MTNAP1: variants seen among roughly 807,000 people sequenced by gnomAD.
MTNAP1 encodes the protein mitochondrial nucleoid-associated protein 1.
At chr17:73,234,320 TG>T in the MTNAP1 span, among the ~76,000 whole-genome samples, 2 of 109,206 alleles carry the variant, frequency 1.8e-5, no homozygotes, top group East Asian at 6.2e-4. Flanking sequence ...ATGGTATAAA[TG>T]TTTTTTTTTT....
At chr17:73,238,450 A>T in the MTNAP1 span, among the ~76,000 whole-genome samples, 1 of 152,348 alleles carries the variant, frequency 6.6e-6, no homozygotes, top group South Asian at 2.1e-4. Context: ...AAATGATCTC[A>T]TATTCACTAA....
At chr17:73,242,165 TG>T in the MTNAP1 span, 1 of 901,862 alleles carries the variant, frequency 1.1e-6, no homozygotes, top group Non-Finnish European at 1.7e-6. Context: ...GGCTTAGCCG[TG>T]GATCCTTCGG....
At chr17:73,234,574 C>T in the MTNAP1 span, among the ~76,000 whole-genome samples, 1 of 151,656 alleles carries the variant, frequency 6.6e-6, no homozygotes, top group African/African-American at 2.4e-5. Context: ...GCCTGTAGTC[C>T]CAGCTCCTCG....
At chr17:73,245,845 C>A in the MTNAP1 span, 1 of 479,030 alleles carries the variant, frequency 2.1e-6, no homozygotes, top group Non-Finnish European at 2.7e-6. Flanking sequence ...GAACCGGTGG[C>A]TAATGTATCA....
chr17:73,248,706 G>C, the MTNAP1 span: 1 of 692,326 alleles, frequency 1.4e-6, no homozygotes, highest in Non-Finnish European at 2.5e-6. Flanking sequence ...GGACATGCCT[G>C]AATACCCCGG....
chr17:73,242,806 C>A, the MTNAP1 span: 3 of 946,744 alleles, frequency 3.2e-6, no homozygotes, highest in Non-Finnish European at 4.8e-6. Context: ...AGTTCCATCA[C>A]TCAGGCTAAC....
At chr17:73,242,777 G>A in the MTNAP1 span, 29 of 696,216 alleles carry the variant, frequency 4.2e-5, no homozygotes, top group Non-Finnish European at 6.1e-5. Flanking sequence ...AAATATGTGC[G>A]TGTAAATCTC....
the MTNAP1 span, among the ~76,000 whole-genome samples, chr17:73,234,018 G>T: frequency 2.6e-5 from 4 of 152,232 alleles, no homozygotes; most frequent in Non-Finnish European, 4.4e-5. Context: ...TGTCTATTTT[G>T]TAAGTGGTTT....
At chr17:73,235,833 A>G in the MTNAP1 span, 16 of 1,614,182 alleles carry the variant, frequency 9.9e-6, no homozygotes, top group African/African-American at 1.3e-5. Context: ...ATCCAATCCA[A>G]CCATCCTTCA....
At chr17:73,245,198 C>T in the MTNAP1 span, 2 of 1,613,402 alleles carry the variant, frequency 1.2e-6, no homozygotes, top group African/African-American at 1.3e-5. Flanking sequence ...TAGTGTTGAC[C>T]TGGACATCAC....
At chr17:73,247,939 T>C in the MTNAP1 span, 1 of 154,324 alleles carries the variant, frequency 6.5e-6, no homozygotes, top group African/African-American at 2.4e-5. Context: ...GCCACCTGGG[T>C]TGGGAAAATA....
chr17:73,236,455 C>G, the MTNAP1 span: 1 of 1,614,140 alleles, frequency 6.2e-7, no homozygotes, highest in East Asian at 2.2e-5. Flanking sequence ...AAAGCAGGAA[C>G]GGACTGTCAT....
chr17:73,246,245 A>C, the MTNAP1 span, among the ~76,000 whole-genome samples: 8 of 152,168 alleles, frequency 5.3e-5, no homozygotes, highest in Non-Finnish European at 7.3e-5. Context: ...TTTTAAAACT[A>C]CAGGAATGCT....
chr17:73,248,350 AAAAG>A, the MTNAP1 span: 2 of 764,376 alleles, frequency 2.6e-6, no homozygotes, highest in Admixed American at 2.4e-5. Context: ...CAAGGAAAGA[AAAAG>A]AACGTCTCTA....
the MTNAP1 span, among the ~76,000 whole-genome samples, chr17:73,241,540 G>T: frequency 6.6e-6 from 1 of 152,196 alleles, no homozygotes; most frequent in African/African-American, 2.4e-5. Context: ...CAATAATAGC[G>T]ATAGGGTGAT....
the MTNAP1 span, chr17:73,235,516 C>T: frequency 1.2e-6 from 2 of 1,613,654 alleles, no homozygotes; most frequent in Non-Finnish European, 1.7e-6. Context: ...GGAAGTGTGT[C>T]CTTACTGTAA....
At chr17:73,239,570 G>A in the MTNAP1 span, among the ~76,000 whole-genome samples, 1 of 149,532 alleles carries the variant, frequency 6.7e-6, no homozygotes, top group Non-Finnish European at 1.5e-5. Context: ...CCAGGCTGGA[G>A]TGCAATGGCA....
At chr17:73,233,800 G>A in the MTNAP1 span, among the ~76,000 whole-genome samples, 1 of 152,048 alleles carries the variant, frequency 6.6e-6, no homozygotes, top group African/African-American at 2.4e-5. Flanking sequence ...TTGAACCTGG[G>A]AGGCTGAGGT....
At chr17:73,245,559 C>T in the MTNAP1 span, 1 of 985,184 alleles carries the variant, frequency 1.0e-6, no homozygotes, top group Non-Finnish European at 1.2e-6. Flanking sequence ...TACCATTCAG[C>T]TATATGAGAT....
Sources: gnomAD v4.1 joint callset for allele counts (sites outside exome capture counted in the v4.1 genomes callset) on GRCh38, gnomAD v4.1.1 for gene constraint, MANE v1.5 for transcripts, NCBI Gene and HGNC (gene_info 2026-07-23, HGNC 2026-07-21) for gene names.